Variants in BLTP3B observed in about 807,000 individuals in gnomAD.
The protein encoded by BLTP3B is UHRF1 (ICBP90) binding protein 1-like.
the BLTP3B span, chr12:100,057,548 C>A: frequency 4.3e-3 from 6,768 of 1,590,056 alleles, 29 homozygotes; most frequent in Non-Finnish European, 5.1e-3. Context: ...AATATGAATT[C>A]TTAAGCCGTA....
chr12:100,039,321 A>C, the BLTP3B span, among the ~76,000 whole-genome samples: 2 of 152,194 alleles, frequency 1.3e-5, no homozygotes, highest in Admixed American at 6.5e-5. Flanking sequence ...AAAATTATAT[A>C]GTATGTACAC....
the BLTP3B span, chr12:100,047,940 T>C: frequency 1.4e-6 from 2 of 1,467,894 alleles, no homozygotes; most frequent in Non-Finnish European, 1.8e-6. Context: ...TTTATTAACA[T>C]ACTTTTAAAT....
chr12:100,142,659 G>A, the BLTP3B span: 1 of 1,603,604 alleles, frequency 6.2e-7, no homozygotes, highest in Non-Finnish European at 8.5e-7. Flanking sequence ...GAGACGCCGC[G>A]GTCTCGTCCT....
chr12:100,066,043 G>A, the BLTP3B span, among the ~76,000 whole-genome samples: 35 of 152,048 alleles, frequency 2.3e-4, no homozygotes, highest in African/African-American at 8.0e-4. Context: ...CAGATTGGCC[G>A]ACACTTAGGG....
At chr12:100,082,185 C>G in the BLTP3B span, among the ~76,000 whole-genome samples, 1 of 152,176 alleles carries the variant, frequency 6.6e-6, no homozygotes. Flanking sequence ...GTTTCATATG[C>G]TTGTTGGCTG....
chr12:100,058,231 C>A, the BLTP3B span: 7 of 1,612,530 alleles, frequency 4.3e-6, no homozygotes, highest in South Asian at 1.1e-5. Context: ...ATATTCGAAT[C>A]TTCTCTGTAG....
chr12:100,053,636 G>A, the BLTP3B span, among the ~76,000 whole-genome samples: 7 of 152,128 alleles, frequency 4.6e-5, no homozygotes, highest in Admixed American at 6.6e-5. Flanking sequence ...ACCCACACAC[G>A]TATATAAAAA....
At chr12:100,133,070 T>C in the BLTP3B span, among the ~76,000 whole-genome samples, 1 of 152,032 alleles carries the variant, frequency 6.6e-6, no homozygotes, top group Non-Finnish European at 1.5e-5. Context: ...GGTGAAACCC[T>C]GTCTCTACAA....
At chr12:100,129,470 G>A in the BLTP3B span, among the ~76,000 whole-genome samples, 74 of 152,230 alleles carry the variant, frequency 4.9e-4, no homozygotes, top group African/African-American at 1.7e-3. Context: ...GTCCTGTGGC[G>A]GATGCTAAAG....
chr12:100,106,837 C>T, the BLTP3B span, among the ~76,000 whole-genome samples: 1 of 152,150 alleles, frequency 6.6e-6, no homozygotes, highest in Non-Finnish European at 1.5e-5. Context: ...AAGTGACCAT[C>T]AAAGGATATA....
the BLTP3B span, among the ~76,000 whole-genome samples, chr12:100,104,494 A>G: frequency 6.6e-6 from 1 of 150,594 alleles, no homozygotes. Flanking sequence ...ACGCACCACC[A>G]TGCCTGGCCA....
the BLTP3B span, among the ~76,000 whole-genome samples, chr12:100,121,374 CAG>C: frequency 1.7e-5 from 2 of 117,792 alleles, no homozygotes; most frequent in African/African-American, 6.1e-5. Flanking sequence ...AAAAAAAAAA[CAG>C]AAAATGCAAA....
At chr12:100,057,828 T>C in the BLTP3B span, 6 of 1,378,678 alleles carry the variant, frequency 4.4e-6, no homozygotes, top group Admixed American at 1.4e-4. Flanking sequence ...AATTAAAATA[T>C]GTATATAGCA....
the BLTP3B span, among the ~76,000 whole-genome samples, chr12:100,118,132 G>C: frequency 1.8e-4 from 28 of 152,156 alleles, no homozygotes; most frequent in African/African-American, 6.7e-4. Flanking sequence ...AAGGAAAACA[G>C]CAGACAAACC....
chr12:100,108,249 T>C, the BLTP3B span: 1 of 944,926 alleles, frequency 1.1e-6, no homozygotes, highest in Admixed American at 3.2e-5. Flanking sequence ...AAGGTATCTT[T>C]CTTTTGAAAT....
At chr12:100,072,751 G>T in the BLTP3B span, 173 of 1,607,476 alleles carry the variant, frequency 1.1e-4, no homozygotes, top group Non-Finnish European at 1.4e-4. Context: ...GAAGATATAG[G>T]GATTTTTTAT....
the BLTP3B span, among the ~76,000 whole-genome samples, chr12:100,093,722 A>G: frequency 6.6e-6 from 1 of 152,228 alleles, no homozygotes; most frequent in Non-Finnish European, 1.5e-5. Context: ...TTAAGAAAGA[A>G]TACACATCAA....
the BLTP3B span, among the ~76,000 whole-genome samples, chr12:100,099,048 A>AC: frequency 1.8e-4 from 28 of 151,726 alleles, no homozygotes; most frequent in African/African-American, 6.3e-4. Flanking sequence ...GCTGGAGTGC[A>AC]GTGGCATGAT....
the BLTP3B span, chr12:100,092,847 T>C: frequency 2.5e-5 from 24 of 948,618 alleles, no homozygotes; most frequent in South Asian, 5.9e-4. Context: ...TATTGCAAAA[T>C]AGTCTCCTGT....
Sources: allele counts gnomAD v4.1 joint callset (sites outside exome capture counted in the v4.1 genomes callset), GRCh38; gene constraint gnomAD v4.1.1; transcripts MANE v1.5; gene names NCBI Gene and HGNC (gene_info 2026-07-23, HGNC 2026-07-21).